BRINP1: variants seen among roughly 807,000 people sequenced by gnomAD.
The protein encoded by BRINP1 is BMP/retinoic acid inducible neural specific 1, also known as BMP/retinoic acid-inducible neural-specific protein 1.
A neutral mutation model predicts 72.9 loss-of-function variants in BRINP1; 17 were observed. The observed-to-expected ratio is 0.23, with a 90% CI of 0.16 to 0.35. BRINP1 has a LOEUF of 0.35. BRINP1 is among the 10% of genes least tolerant of loss of function. The pLI is 1.00. For missense variants in BRINP1, 850 were observed against 1,001.6 expected, an observed-to-expected ratio of 0.85 and a Z score of 2.04; for synonymous variants, 418 against 378.5, an observed-to-expected ratio of 1.10 and a Z score of -1.21.
chr9:119,324,955 C>T (rs950830546), intron 1 of BRINP1, among the ~76,000 whole-genome samples: 2 of 152,054 alleles, frequency 1.3e-5, no homozygotes, highest in Non-Finnish European at 2.9e-5. Flanking sequence ...CAAAAATTAG[C>T]TGGCTGTGGT....
At chr9:119,269,171 C>T (rs1321122881) in intron 2 of BRINP1, among the ~76,000 whole-genome samples, 1 of 152,096 alleles carries the variant, frequency 6.6e-6, no homozygotes, top group African/African-American at 2.4e-5. Context: ...AATCATTATC[C>T]CTCCCTCCTT....
At chr9:119,282,267 G>A (rs1830719837) in intron 2 of BRINP1, among the ~76,000 whole-genome samples, 1 of 152,162 alleles carries the variant, frequency 6.6e-6, no homozygotes, top group South Asian at 2.1e-4. Flanking sequence ...CTTGGGAATG[G>A]TGCTTAAACA....
At chr9:119,324,701 A>G (rs1831220352) in intron 1 of BRINP1, among the ~76,000 whole-genome samples, 2 of 152,224 alleles carry the variant, frequency 1.3e-5, no homozygotes, top group Admixed American at 6.5e-5. Context: ...ATTAGCTAGT[A>G]AAGTTAATAT....
intron 2 of BRINP1, among the ~76,000 whole-genome samples, chr9:119,311,319 A>C (rs1039344820): frequency 6.6e-6 from 1 of 152,240 alleles, no homozygotes; most frequent in African/African-American, 2.4e-5. Context: ...ACTTTGGCTA[A>C]ATCTTAAATG....
At chr9:119,294,845 C>T (rs1238510905) in intron 2 of BRINP1, among the ~76,000 whole-genome samples, 3 of 93,266 alleles carry the variant, frequency 3.2e-5, no homozygotes, top group East Asian at 6.4e-4. Flanking sequence ...AACAGAGTGA[C>T]ACTACGTTAA....
At chr9:119,220,444 T>C (rs942816450) in intron 5 of BRINP1, among the ~76,000 whole-genome samples, 4 of 152,200 alleles carry the variant, frequency 2.6e-5, no homozygotes, top group Admixed American at 2.0e-4. Context: ...CTGAAGATTA[T>C]AGCCCAATCT....
intron 1 of BRINP1, among the ~76,000 whole-genome samples, chr9:119,323,939 T>G (rs1046549169): frequency 7.0e-6 from 1 of 142,326 alleles, no homozygotes; most frequent in Non-Finnish European, 1.6e-5. Context: ...GTATGGAGAA[T>G]AGAGGTGAAC....
intron 2 of BRINP1, among the ~76,000 whole-genome samples, chr9:119,309,350 A>AG (rs889792854): frequency 2.0e-5 from 3 of 152,192 alleles, no homozygotes; most frequent in Admixed American, 2.0e-4. Flanking sequence ...CATAGAGTTA[A>AG]GGGCCCATGT....
chr9:119,168,410 A>T (rs1464765411), intron 7 of BRINP1, among the ~76,000 whole-genome samples, 186 bp from the exon 8 acceptor site: 1 of 152,202 alleles, frequency 6.6e-6, no homozygotes, highest in East Asian at 1.9e-4. Flanking sequence ...CTAATGCCAC[A>T]AACCAGCTGC....
intron 5 of BRINP1, among the ~76,000 whole-genome samples, chr9:119,229,669 A>G (rs900700423): frequency 2.0e-5 from 3 of 149,316 alleles, no homozygotes; most frequent in African/African-American, 7.7e-5. Flanking sequence ...AAGCAATAGC[A>G]AAAACACATG....
chr9:119,180,017 C>G (rs1446730111), intron 7 of BRINP1, among the ~76,000 whole-genome samples: 4 of 152,180 alleles, frequency 2.6e-5, no homozygotes, highest in African/African-American at 9.6e-5. Context: ...CTTTCAGAAC[C>G]CCCTGGCTGG....
intron 1 of BRINP1, among the ~76,000 whole-genome samples, chr9:119,332,896 A>G (rs556411856): frequency 2.0e-4 from 31 of 152,324 alleles, no homozygotes; most frequent in African/African-American, 7.0e-4. Flanking sequence ...TTATATAACA[A>G]GTTTACGGTA....
chr9:119,352,971 G>T (rs1831520804), intron 1 of BRINP1, among the ~76,000 whole-genome samples: 2 of 152,122 alleles, frequency 1.3e-5, no homozygotes, highest in Non-Finnish European at 2.9e-5. Context: ...ATTTGAATGG[G>T]GAAGGTAGAG....
intron 1 of BRINP1, among the ~76,000 whole-genome samples, chr9:119,361,453 C>T (rs1176438227): frequency 2.0e-5 from 3 of 152,116 alleles, no homozygotes; most frequent in African/African-American, 7.2e-5. Context: ...TATCTCACCA[C>T]CACTCAGCCA....
intron 2 of BRINP1, among the ~76,000 whole-genome samples, chr9:119,302,779 C>G (rs1269646279): frequency 6.6e-6 from 1 of 152,164 alleles, no homozygotes; most frequent in Non-Finnish European, 1.5e-5. Flanking sequence ...TGGAATATTT[C>G]CTTAATCTTG....
At chr9:119,192,624 G>A (rs1829694093) in intron 7 of BRINP1, among the ~76,000 whole-genome samples, 1 of 152,008 alleles carries the variant, frequency 6.6e-6, no homozygotes, top group African/African-American at 2.4e-5. Flanking sequence ...GTGAAGAAAA[G>A]GAAACCTTTC....
At chr9:119,227,138 G>A (rs1178855345) in intron 5 of BRINP1, among the ~76,000 whole-genome samples, 2 of 151,974 alleles carry the variant, frequency 1.3e-5, no homozygotes, top group Non-Finnish European at 2.9e-5. Context: ...TTGGTTTTTA[G>A]ATCAGGTGCT....
chr9:119,309,563 G>A (rs1399364518), intron 2 of BRINP1, among the ~76,000 whole-genome samples: 1 of 152,142 alleles, frequency 6.6e-6, no homozygotes. Context: ...TTGTTAGAAT[G>A]ATGATTTAAA....
rs1336510036 is a variant in BRINP1, at chr9:119,369,420, G to A, written c.-415C>T. The stretch of plus-strand genomic sequence containing the variant: ...GTTTGCAGCCGTGGGGTCCGGGAGC[G>A]AGGCGGCTGGCGAATGGAGAGGGAA... On this transcript the variant is annotated 5_prime_UTR_variant, in exon 1 of 8. Transcript: ENST00000265922. 1 of 395,752 alleles carries A rather than the reference G, an allele frequency of 2.5e-6. No individual in the cohort carries two copies. Among genetic ancestry groups the A allele is most frequent in the African/African-American group, 2.1e-5 (1 of 48,674 alleles). 24.5% of individuals were successfully genotyped at this position (395,752 alleles called of 1,614,324 possible). A position where few individuals can be genotyped will look rare whatever the true frequency, so the allele number is the denominator to read the frequency against.
Sources: allele counts gnomAD v4.1 joint callset (sites outside exome capture counted in the v4.1 genomes callset), GRCh38; gene constraint gnomAD v4.1.1; transcripts MANE v1.5; gene names NCBI Gene and HGNC (gene_info 2026-07-23, HGNC 2026-07-21).